WRN: variants seen among roughly 807,000 people sequenced by gnomAD.
The protein encoded by WRN is WRN RecQ like helicase, also known as bifunctional 3'-5' exonuclease/ATP-dependent helicase WRN.
Under a neutral mutation model 180.7 loss-of-function variants are expected in WRN, and 149 were observed. The ratio of observed to expected loss-of-function variants is 0.82; its 90% CI spans 0.72 to 0.94. The LOEUF is 0.94. Among genes scored for constraint, WRN ranks in the 40% least tolerant of loss-of-function variants. The pLI is 0.00. For missense variants in WRN, 1,661 were observed against 1,700.1 expected (o/e 0.98, Z 0.40); for synonymous variants, 548 against 568.9 (o/e 0.96, Z 0.52).
In WRN at chr8:31,059,528, C is replaced by T. The variant is rs574492967; in HGVS notation, c.209+263C>T. Among the ~76,000 whole-genome samples the T allele has an allele frequency of 3.2e-3, 489 of 152,098 alleles. 3 individuals are homozygous for T. The highest frequency in any genetic ancestry group is 0.011 in the African/African-American group (450 of 41,510). ...TTTTTTAATATATGTGCTGCTGAAG[C>T]GAGCACGACAGTTTTTTAACTTTCA... is the stretch of plus-strand genomic sequence containing the variant. On this transcript the variant is annotated intron_variant, in intron 3 of 34. Transcript: ENST00000298139.
chr8:31,083,571 T>C (rs1813404719), intron 9 of WRN, 128 bp from the exon 10 acceptor site: 3 of 523,114 alleles, frequency 5.7e-6, no homozygotes, highest in Non-Finnish European at 1.0e-5. Context: ...TATGTAAATA[T>C]ATATTATATA....
intron 24 of WRN, among the ~76,000 whole-genome samples, chr8:31,139,814 T>C (rs1316347977): frequency 6.6e-6 from 1 of 152,114 alleles, no homozygotes. Context: ...CATGCAAATA[T>C]ACAGAACCCA....
chr8:31,141,585 C>G lies in WRN; in HGVS notation c.3123C>G (p.Cys1041Trp). Residue 1041 changes from cysteine to tryptophan, a missense_variant, in exon 25 of 35, where the codon TGC becomes TGG. By Grantham distance (215) the Cys-to-Trp change is radical. Coordinates refer to ENST00000298139, the MANE Select transcript of WRN (RefSeq NM_000553.6). ...GGTATAACAAATTTATGAAGATTTG[C>G]GCCCTTACGAAAAAGGTAAACGGTG... ...VSRYNKFMKI[C>W]ALTKKGRNWL... is the part of the protein sequence containing the mutation. 1 of 1,614,028 alleles carries G rather than the reference C, an allele frequency of 6.2e-7. No individual in the cohort carries two copies. Among genetic ancestry groups the G allele is most frequent in the East Asian group, 2.2e-5 (1 of 44,874 alleles).
At chr8:31,087,734 C>G (rs1159068716) in intron 11 of WRN, 42 bp from the exon 12 acceptor site, 1 of 1,588,310 alleles carries the variant, frequency 6.3e-7, no homozygotes, top group South Asian at 1.1e-5. Context: ...AGATACGACA[C>G]TGTCAGTGGT....
At chr8:31,049,511 C>CAAA (rs754805498) in intron 1 of WRN, among the ~76,000 whole-genome samples, 1 of 78,808 alleles carries the variant, frequency 1.3e-5, no homozygotes. Context: ...GACTCTGTCT[C>CAAA]AAAAAAAAAA....
chr8:31,161,278 T>C (rs999974592), intron 33 of WRN, among the ~76,000 whole-genome samples: 1 of 152,174 alleles, frequency 6.6e-6, no homozygotes, highest in Non-Finnish European at 1.5e-5. Flanking sequence ...GTGAGAAATA[T>C]AGTCATGTGT....
intron 19 of WRN, among the ~76,000 whole-genome samples, chr8:31,113,728 T>C (rs1168844164): frequency 6.6e-6 from 1 of 152,202 alleles, no homozygotes. Flanking sequence ...GGTCCTCTTA[T>C]AATCCTATGC....
At chr8:31,172,155 G>GTT (rs960090268) in intron 34 of WRN, among the ~76,000 whole-genome samples, 3 of 151,932 alleles carry the variant, frequency 2.0e-5, no homozygotes, top group African/African-American at 7.3e-5. Context: ...GTGTGTGTGT[G>GTT]TGTGCCTGTG....
chr8:31,164,217 A>C (rs1803757791), intron 33 of WRN, among the ~76,000 whole-genome samples: 1 of 151,988 alleles, frequency 6.6e-6, no homozygotes, highest in Admixed American at 6.6e-5. Context: ...TTGGATTCTT[A>C]TTTTTTCTTT....
intron 5 of WRN, among the ~76,000 whole-genome samples, chr8:31,066,787 TC>T (rs947386707): frequency 6.6e-6 from 1 of 152,130 alleles, no homozygotes; most frequent in Non-Finnish European, 1.5e-5. Flanking sequence ...CAACTTTTTT[TC>T]ATGAACAATA....
intron 1 of WRN, among the ~76,000 whole-genome samples, chr8:31,047,857 G>C (rs183399361): frequency 1.6e-4 from 25 of 152,164 alleles, no homozygotes; most frequent in Non-Finnish European, 1.5e-5. Context: ...ATTCAGTTGG[G>C]TAGTGAAATC....
intron 21 of WRN, among the ~76,000 whole-genome samples, chr8:31,123,528 G>A (rs1801806023): frequency 6.6e-6 from 1 of 152,046 alleles, no homozygotes; most frequent in South Asian, 2.1e-4. Context: ...CAGATGACAA[G>A]AATGTTTTTG....
intron 24 of WRN, among the ~76,000 whole-genome samples, chr8:31,133,323 G>A (rs928671855): frequency 2.0e-5 from 3 of 152,146 alleles, no homozygotes; most frequent in South Asian, 2.1e-4. Context: ...TAAAATTCTC[G>A]TATTGAATGT....
intron 30 of WRN, among the ~76,000 whole-genome samples, chr8:31,149,880 C>T (rs886903672): frequency 6.6e-6 from 1 of 152,096 alleles, no homozygotes; most frequent in Non-Finnish European, 1.5e-5. Flanking sequence ...AAATATTGAG[C>T]TAAAAGTCTG....
At position 31,108,176 on chromosome 8, in the gene WRN, G is replaced by A. The variant is rs539902420; in HGVS notation, c.2089-3439G>A. Among the ~76,000 whole-genome samples the A allele has an allele frequency of 7.9e-5, 12 of 152,284 alleles. No homozygotes were observed. The East Asian group carries it at 2.1e-3, about 27-fold the overall frequency. ...AGAAATTAAGACCTGTCAACTTAAAGAATACATTTTGTGAGTTAAGAACTA... is the reference window on the plus strand; with the variant it reads ...AGAAATTAAGACCTGTCAACTTAAAAAATACATTTTGTGAGTTAAGAACTA... On this transcript the variant is annotated intron_variant, in intron 18 of 34. Coordinates refer to ENST00000298139, the MANE Select transcript of WRN (RefSeq NM_000553.6).
At chr8:31,089,040 T>G in intron 13 of WRN, 75 bp downstream of exon 13, 1 of 1,320,680 alleles carries the variant, frequency 7.6e-7, no homozygotes, top group Non-Finnish European at 1.1e-6. Context: ...AAATAACCTG[T>G]CTGCTTAACA....
intron 20 of WRN, among the ~76,000 whole-genome samples, chr8:31,118,424 A>C (rs1245976440): frequency 6.6e-6 from 1 of 152,050 alleles, no homozygotes; most frequent in Non-Finnish European, 1.5e-5. Flanking sequence ...CAAAAGCTTC[A>C]TATTTGCATT....
intron 1 of WRN, among the ~76,000 whole-genome samples, chr8:31,038,481 G>A (rs74546167): frequency 0.022 from 3,366 of 152,008 alleles, 85 homozygotes; most frequent in East Asian, 0.072. Flanking sequence ...CTTATTGGGT[G>A]TATGATTTGC....
intron 1 of WRN, among the ~76,000 whole-genome samples, chr8:31,049,429 G>T (rs1396656865): frequency 6.6e-6 from 1 of 151,456 alleles, no homozygotes; most frequent in Admixed American, 6.6e-5. Flanking sequence ...CTACTTGGGA[G>T]GCTGAGTGGG....
Sources: gnomAD v4.1 joint callset for allele counts (sites outside exome capture counted in the v4.1 genomes callset) on GRCh38, gnomAD v4.1.1 for gene constraint, MANE v1.5 for transcripts, NCBI Gene and HGNC (gene_info 2026-07-23, HGNC 2026-07-21) for gene names.